ARHGAP26: variants seen among roughly 807,000 people sequenced by gnomAD.
The protein encoded by ARHGAP26 is Rho GTPase activating protein 26.
In ARHGAP26, 38 loss-of-function variants were observed where a neutral mutation model predicts 104.8. The observed-to-expected ratio is 0.36, with a 90% confidence interval of 0.28 to 0.48. The LOEUF (loss-of-function observed/expected upper bound fraction) is 0.48, where lower values mean the gene tolerates loss of function less well. Ranked by LOEUF, ARHGAP26 falls within the 20% of genes least tolerant of loss-of-function variation. The pLI is 0.99. For synonymous variants in ARHGAP26, 341 were observed against 340.0 expected (o/e 1.00, Z -0.03); for missense variants, 704 against 947.9 (o/e 0.74, Z 3.38).
intron 1 of ARHGAP26, among the ~76,000 whole-genome samples, chr5:142,807,778 G>C (rs763336576): frequency 6.6e-6 from 1 of 152,174 alleles, no homozygotes; most frequent in Non-Finnish European, 1.5e-5. Flanking sequence ...GCTGAGCTGC[G>C]TGCTGCTGGC....
chr5:142,842,646 G>A (rs923299863), intron 1 of ARHGAP26, among the ~76,000 whole-genome samples: 10 of 152,172 alleles, frequency 6.6e-5, no homozygotes, highest in African/African-American at 1.7e-4. Flanking sequence ...TAGAGCATGG[G>A]ATTTAGAAAT....
intron 6 of ARHGAP26, among the ~76,000 whole-genome samples, chr5:142,900,867 C>T (rs1760229186): frequency 6.6e-6 from 1 of 152,020 alleles, no homozygotes; most frequent in East Asian, 1.9e-4. Flanking sequence ...TCAGAGTGGA[C>T]CCCTCAGAAA....
intron 1 of ARHGAP26, among the ~76,000 whole-genome samples, chr5:142,855,983 C>T (rs773116047): frequency 9.2e-5 from 14 of 152,302 alleles, no homozygotes; most frequent in Non-Finnish European, 1.8e-4. Context: ...TGTATAATCG[C>T]GGCTGTGAGA....
intron 20 of ARHGAP26, among the ~76,000 whole-genome samples, chr5:143,206,103 C>A (rs1010207339): frequency 5.3e-5 from 8 of 152,118 alleles, no homozygotes; most frequent in Admixed American, 3.9e-4. Flanking sequence ...CTAGGGAAGT[C>A]CCAGTAAGTA....
intron 10 of ARHGAP26, among the ~76,000 whole-genome samples, chr5:142,931,815 A>G (rs1293998913): frequency 1.3e-5 from 2 of 152,218 alleles, no homozygotes; most frequent in African/African-American, 4.8e-5. Context: ...GTAAAATAGG[A>G]TCATGTCTTC....
chr5:142,890,285 T>C (rs1439671859), intron 5 of ARHGAP26, among the ~76,000 whole-genome samples: 1 of 148,846 alleles, frequency 6.7e-6, no homozygotes, highest in Non-Finnish European at 1.5e-5. Flanking sequence ...GAAGTTAAAA[T>C]GTGTGTTTAT....
At chr5:142,976,574 C>T (rs1185901405) in intron 11 of ARHGAP26, among the ~76,000 whole-genome samples, 1 of 152,116 alleles carries the variant, frequency 6.6e-6, no homozygotes, top group African/African-American at 2.4e-5. Flanking sequence ...AATATAAATT[C>T]AATGAATAAA....
chr5:143,207,086 G>A (rs370203011), intron 20 of ARHGAP26, 112 bp from the exon 21 acceptor site: 323 of 1,323,826 alleles, frequency 2.4e-4, no homozygotes, highest in African/African-American at 2.4e-3. Flanking sequence ...CCTGGGTTTC[G>A]GTGCTCCTCT....
intron 11 of ARHGAP26, among the ~76,000 whole-genome samples, chr5:142,958,680 G>A (rs1231357388): frequency 6.6e-6 from 1 of 152,042 alleles, no homozygotes; most frequent in Non-Finnish European, 1.5e-5. Context: ...AAACAAAACA[G>A]TATAAGTAGA....
intron 1 of ARHGAP26, among the ~76,000 whole-genome samples, chr5:142,853,581 A>C (rs552193627): frequency 6.6e-6 from 1 of 152,292 alleles, no homozygotes; most frequent in African/African-American, 2.4e-5. Flanking sequence ...CCTTTTGTAA[A>C]AGGGATTTAA....
chr5:143,101,939 A>G (rs376077455), intron 17 of ARHGAP26, among the ~76,000 whole-genome samples: 1 of 147,862 alleles, frequency 6.8e-6, no homozygotes, highest in African/African-American at 2.5e-5. Flanking sequence ...AACAGGTTCT[A>G]TTTTCCTTAG....
intron 12 of ARHGAP26, among the ~76,000 whole-genome samples, chr5:143,023,320 T>C (rs1331812571): frequency 6.6e-6 from 1 of 152,228 alleles, no homozygotes; most frequent in Non-Finnish European, 1.5e-5. Context: ...CCTATTGTTG[T>C]GCCTCTGACT....
In ARHGAP26 at chr5:142,865,500, T is replaced by C. The variant is rs1297010324; in HGVS notation, c.155-7900T>C. Among the ~76,000 whole-genome samples, 24 of 137,098 alleles carry C rather than the reference T, an allele frequency of 1.8e-4. No homozygotes were observed. The East Asian group carries it at 5.7e-3, about 33-fold the overall frequency. The allele number at this position is 137,098 out of a possible 152,430, so 89.9% of individuals were successfully genotyped here. A position where few individuals can be genotyped will look rare whatever the true frequency, so the allele number is the denominator to read the frequency against. ...GAAGTTTTTTTTTTTTTTTTTTTTT[T>C]TGAATCCCTTATAACTCTTTCCTTA... On this transcript the variant is annotated intron_variant, in intron 1 of 22. Transcript: ENST00000645722.
At chr5:143,141,791 A>G (rs1046238094) in intron 19 of ARHGAP26, among the ~76,000 whole-genome samples, 7 of 152,206 alleles carry the variant, frequency 4.6e-5, no homozygotes, top group African/African-American at 1.4e-4. Flanking sequence ...AACTCTGATC[A>G]TTCAACCCCC....
At chr5:142,835,380 T>A (rs1021529012) in intron 1 of ARHGAP26, among the ~76,000 whole-genome samples, 6 of 152,204 alleles carry the variant, frequency 3.9e-5, no homozygotes, top group South Asian at 4.1e-4. Flanking sequence ...GGTGGCCCCA[T>A]TCATTTAACT....
intron 12 of ARHGAP26, among the ~76,000 whole-genome samples, chr5:143,028,879 G>T (rs1781451986): frequency 6.6e-6 from 1 of 152,168 alleles, no homozygotes; most frequent in Admixed American, 6.5e-5. Context: ...CTGGTGTAGG[G>T]ATGGTGCATG....
At chr5:143,037,293 A>G in intron 13 of ARHGAP26, 32 bp downstream of exon 13, 1 of 1,544,478 alleles carries the variant, frequency 6.5e-7, no homozygotes, top group Non-Finnish European at 8.9e-7. Context: ...CATTGTTCTC[A>G]TAGAAGGTCA....
chr5:143,205,714 C>G (rs1199760852), intron 20 of ARHGAP26, among the ~76,000 whole-genome samples: 1 of 152,172 alleles, frequency 6.6e-6, no homozygotes, highest in Admixed American at 6.5e-5. Context: ...GGCTGGGTAT[C>G]CTTAGAGAAG....
chr5:142,812,941 CTTT>C (rs34704039), intron 1 of ARHGAP26, among the ~76,000 whole-genome samples: 1 of 138,152 alleles, frequency 7.2e-6, no homozygotes, highest in Non-Finnish European at 1.6e-5. Flanking sequence ...TTTTTTCTTT[CTTT>C]TTTTTTTTTT....
Sources: allele counts gnomAD v4.1 joint callset (sites outside exome capture counted in the v4.1 genomes callset), GRCh38; gene constraint gnomAD v4.1.1; transcripts MANE v1.5; gene names NCBI Gene and HGNC (gene_info 2026-07-23, HGNC 2026-07-21).